Variants in TCF4 observed in about 807,000 individuals in gnomAD.
TCF4 encodes SL3-3 enhancer factor 2.
In TCF4, 3 loss-of-function variants were observed where a neutral mutation model predicts 82.1. The observed-to-expected ratio is 0.04, with a 90% CI of 0.02 to 0.09. The LOEUF (loss-of-function observed/expected upper bound fraction) is 0.09. Among genes scored for constraint, TCF4 ranks in the 10% least tolerant of loss-of-function variants. The pLI, the probability that TCF4 is intolerant of heterozygous loss-of-function variation, is 1.00. For missense variants in TCF4, 518 were observed against 852.7 expected, an observed-to-expected ratio of 0.61 and a Z score of 4.89; for synonymous variants, 276 against 309.6, an observed-to-expected ratio of 0.89 and a Z score of 1.14.
At chr18:55,472,952 T>C (rs1159653650) in intron 3 of TCF4, among the ~76,000 whole-genome samples, 5 of 152,206 alleles carry the variant, frequency 3.3e-5, no homozygotes, top group African/African-American at 1.2e-4. Context: ...AGGAATACAT[T>C]TAAGAATATG....
intron 8 of TCF4, among the ~76,000 whole-genome samples, chr18:55,281,956 G>A (rs1379734034): frequency 6.6e-6 from 1 of 151,878 alleles, no homozygotes; most frequent in East Asian, 1.9e-4. Context: ...TTTTTCTGCT[G>A]TTTTAGCCAA....
intron 2 of TCF4, chr18:55,586,218 G>C: frequency 1.1e-6 from 1 of 940,488 alleles, no homozygotes; most frequent in Non-Finnish European, 1.5e-6. Context: ...AGCAGCAGCA[G>C]CAGCAGCAGC....
intron 6 of TCF4, among the ~76,000 whole-genome samples, chr18:55,373,551 G>A (rs911447979): frequency 2.6e-5 from 4 of 152,070 alleles, no homozygotes; most frequent in Admixed American, 6.6e-5. Flanking sequence ...AGTGGCTCAC[G>A]CCTGTAATCC....
intron 5 of TCF4, among the ~76,000 whole-genome samples, chr18:55,438,375 G>A (rs2095373357): frequency 6.6e-6 from 1 of 151,888 alleles, no homozygotes; most frequent in African/African-American, 2.4e-5. Context: ...CAATAAGATG[G>A]CAAACTCACC....
At chr18:55,523,709 G>C (rs1315288630) in intron 3 of TCF4, among the ~76,000 whole-genome samples, 1 of 151,216 alleles carries the variant, frequency 6.6e-6, no homozygotes, top group African/African-American at 2.4e-5. Context: ...ACAATCGACT[G>C]TTACAGTACT....
intron 8 of TCF4, among the ~76,000 whole-genome samples, chr18:55,343,301 T>C (rs2080422941): frequency 6.6e-6 from 1 of 152,188 alleles, no homozygotes; most frequent in African/African-American, 2.4e-5. Context: ...AGAGCTTCAC[T>C]ACGAAATGTT....
intron 2 of TCF4, among the ~76,000 whole-genome samples, chr18:55,622,447 G>A (rs188077255): frequency 6.7e-6 from 1 of 149,286 alleles, no homozygotes; most frequent in Non-Finnish European, 1.5e-5. Flanking sequence ...AGAGGTTGCA[G>A]TGAGCCGAGA....
intron 3 of TCF4, among the ~76,000 whole-genome samples, chr18:55,464,704 C>T (rs2095969441): frequency 6.6e-6 from 1 of 151,922 alleles, no homozygotes; most frequent in Admixed American, 6.6e-5. Context: ...TAGGTTAAGA[C>T]AATACTGTCT....
chr18:55,535,497 T>C lies in TCF4; in HGVS notation c.145+49783A>G, dbSNP rs575200400. 9.8e-5 allele frequency among the ~76,000 whole-genome samples: 15 copies of C among 152,370 alleles called. 1 individual carries two copies. In the South Asian group the frequency reaches 2.5e-3, roughly 25 times the overall value. On this transcript the variant is annotated intron_variant, in intron 3 of 19. Transcript: ENST00000354452. ...GAAACAAAAGTTATACAAATTCTTT[T>C]TCTGATTATTATAAGGAAGAAAATT...
chr18:55,527,752 A>AT lies in TCF4; in HGVS notation c.145+57527dup, dbSNP rs879546103. 3.8e-3 allele frequency among the ~76,000 whole-genome samples: 575 copies of AT among 152,196 alleles called. 1 individual carries two copies. The highest frequency in any genetic ancestry group is 0.013 in the African/African-American group (543 of 41,518). Reference sequence around the variant, plus strand: ...GTATATCCAACTTGAAAATCCAAGAATTTTTTTTAGATTGGCCTCCCCCAA... The same window carrying AT: ...GTATATCCAACTTGAAAATCCAAGAATTTTTTTTTAGATTGGCCTCCCCCAA... On this transcript the variant is annotated intron_variant, in intron 3 of 19. Coordinates refer to ENST00000354452, the MANE Select transcript of TCF4 (RefSeq NM_001083962.2).
chr18:55,574,978 T>G (rs1348375378), intron 3 of TCF4, among the ~76,000 whole-genome samples: 3 of 152,228 alleles, frequency 2.0e-5, no homozygotes, highest in Non-Finnish European at 4.4e-5. Flanking sequence ...CTTTCAACCT[T>G]CTTTAAACAA....
At chr18:55,464,306 C>T (rs1003928641) in intron 3 of TCF4, among the ~76,000 whole-genome samples, 169 bp from the exon 4 acceptor site, 13 of 152,150 alleles carry the variant, frequency 8.5e-5, no homozygotes, top group Admixed American at 2.6e-4. Flanking sequence ...TAAATTAACT[C>T]ATTTAAATTC....
chr18:55,321,940 G>A, intron 8 of TCF4: 1 of 1,378,900 alleles, frequency 7.3e-7, no homozygotes, highest in South Asian at 1.9e-5. Context: ...ACTTTGCGCA[G>A]CGGAGCTGGA....
At chr18:55,426,411 T>A (rs976131805) in intron 5 of TCF4, among the ~76,000 whole-genome samples, 1 of 152,104 alleles carries the variant, frequency 6.6e-6, no homozygotes, top group Admixed American at 6.5e-5. Context: ...CAAATTTAAG[T>A]CAATACCCAC....
At chr18:55,589,750 A>C (rs2097680323), upstream of TCF4, 1 of 1,018,080 alleles carries the variant, frequency 9.8e-7, no homozygotes, top group South Asian at 4.6e-5. Context: ...TGATAATAAT[A>C]GGTTTCCCTG....
intron 3 of TCF4, among the ~76,000 whole-genome samples, chr18:55,500,048 T>C (rs2096680365): frequency 6.6e-6 from 1 of 151,930 alleles, no homozygotes; most frequent in African/African-American, 2.4e-5. Context: ...CCAGGCATGG[T>C]GGTATACGCC....
upstream of TCF4, chr18:55,588,467 C>G: frequency 6.5e-7 from 1 of 1,534,916 alleles, no homozygotes; most frequent in South Asian, 1.2e-5. Flanking sequence ...ATTCATCGAG[C>G]ACCTCATTTT....
intron 3 of TCF4, among the ~76,000 whole-genome samples, chr18:55,475,695 T>A (rs570502447): frequency 2.6e-5 from 4 of 152,342 alleles, no homozygotes; most frequent in African/African-American, 9.6e-5. Context: ...TTCACGTCTC[T>A]GATCAACTGG....
chr18:55,430,347 T>C (rs918945372), intron 5 of TCF4, among the ~76,000 whole-genome samples: 1 of 152,224 alleles, frequency 6.6e-6, no homozygotes, highest in Non-Finnish European at 1.5e-5. Context: ...GTTCACCTTT[T>C]AGCTCTCATC....
Sources: allele counts gnomAD v4.1 joint callset (sites outside exome capture counted in the v4.1 genomes callset), GRCh38; gene constraint gnomAD v4.1.1; transcripts MANE v1.5; gene names NCBI Gene and HGNC (gene_info 2026-07-23, HGNC 2026-07-21).